Variants in ADHFE1 observed in about 807,000 individuals in gnomAD.
ADHFE1 encodes the protein alcohol dehydrogenase iron containing 1.
A neutral mutation model predicts 54.8 loss-of-function variants in ADHFE1; 37 were observed. The observed-to-expected ratio is 0.68, with a 90% CI of 0.52 to 0.89. ADHFE1 has a LOEUF of 0.89. Among genes scored for constraint, ADHFE1 ranks in the 40% least tolerant of loss-of-function variants. The pLI is 0.00. For synonymous variants in ADHFE1, 203 were observed against 229.3 expected (o/e 0.89, Z 1.04); for missense variants, 601 against 591.2 (o/e 1.02, Z -0.17).
chr8:66,455,454 G>T (rs1195039369), intron 10 of ADHFE1, among the ~76,000 whole-genome samples: 1 of 152,226 alleles, frequency 6.6e-6, no homozygotes, highest in African/African-American at 2.4e-5. Context: ...TTAAGAATAG[G>T]CCTTTGCTAG....
At chr8:66,438,562 A>G (rs569129927) in intron 1 of ADHFE1, among the ~76,000 whole-genome samples, 8 of 152,332 alleles carry the variant, frequency 5.3e-5, no homozygotes, top group African/African-American at 1.7e-4. Flanking sequence ...GGACACAGCC[A>G]GACAGCTGGA....
rs753845705 is a variant in ADHFE1, at chr8:66,444,347, A to G, written c.145-20A>G. On this transcript the variant is annotated intron_variant, in intron 3 of 13. Coordinates refer to ENST00000396623, the MANE Select transcript of ADHFE1 (RefSeq NM_144650.3). Reference sequence around the variant, plus strand: ...AACTCTCAAATACTCCCTACACCTAAACCTTTTTATTTTTTTCAGATGGCT... The same window carrying G: ...AACTCTCAAATACTCCCTACACCTAGACCTTTTTATTTTTTTCAGATGGCT... 1.9e-6 allele frequency: 3 copies of G among 1,613,524 alleles called. No homozygotes were observed. Among genetic ancestry groups the G allele is most frequent in the Non-Finnish European group, 8.5e-7 (1 of 1,179,494 alleles).
chr8:66,453,604 A>T lies in ADHFE1; in HGVS notation c.888-455A>T, dbSNP rs911780047. The T allele has an allele frequency of 9.7e-6, 9 of 927,122 alleles. No homozygotes were observed. In the Admixed American group the frequency reaches 1.9e-4, roughly 20 times the overall value. The allele number at this position is 927,122 out of a possible 1,614,324, so 57.4% of individuals were successfully genotyped here. A position where few individuals can be genotyped will look rare whatever the true frequency, so the allele number is the denominator to read the frequency against. ...GCATAGAGGTGCAGCAACCACAGAT[A>T]TAAAGAGGCCCCCAGTGGGTCCAGT... On this transcript the variant is annotated intron_variant, in intron 9 of 13. Coordinates refer to ENST00000396623, the MANE Select transcript of ADHFE1 (RefSeq NM_144650.3).
At chr8:66,446,383 A>G (rs1006150306) in intron 6 of ADHFE1, among the ~76,000 whole-genome samples, 1 of 152,228 alleles carries the variant, frequency 6.6e-6, no homozygotes, top group African/African-American at 2.4e-5. Context: ...TAGAGACAGC[A>G]AATATGAGTT....
intron 12 of ADHFE1, among the ~76,000 whole-genome samples, chr8:66,457,596 G>A (rs1806656583): frequency 6.6e-6 from 1 of 152,054 alleles, no homozygotes; most frequent in Non-Finnish European, 1.5e-5. Flanking sequence ...AGGCTGAGGT[G>A]GGAGGATAGC....
At chr8:66,461,262 C>A (rs944103724) in intron 13 of ADHFE1, among the ~76,000 whole-genome samples, 2 of 152,104 alleles carry the variant, frequency 1.3e-5, no homozygotes, top group African/African-American at 4.8e-5. Flanking sequence ...GTCCTCTTGG[C>A]CAATATGGGA....
At chr8:66,451,841 T>C in intron 8 of ADHFE1, 112 bp from the exon 9 acceptor site, 1 of 1,249,324 alleles carries the variant, frequency 8.0e-7, no homozygotes, top group Non-Finnish European at 1.1e-6. Context: ...TGTTAGATAA[T>C]ATATCCACTG....
intron 7 of ADHFE1, among the ~76,000 whole-genome samples, chr8:66,448,634 G>A (rs562909080): frequency 1.1e-4 from 17 of 152,302 alleles, no homozygotes; most frequent in Non-Finnish European, 2.4e-4. Context: ...GTAGGAAAGA[G>A]ATGCATACAC....
Position 66,449,030 on chromosome 8 carries a change from G to A in ADHFE1, c.734+60G>A, listed in dbSNP as rs1266549002. 3 of 1,422,172 alleles carry A rather than the reference G, an allele frequency of 2.1e-6. No individual in the cohort carries two copies. The South Asian group carries it at 3.5e-5, about 17-fold the overall frequency. 88.1% of individuals were successfully genotyped at this position (1,422,172 alleles called of 1,614,324 possible). A position where few individuals can be genotyped will look rare whatever the true frequency, so the allele number is the denominator to read the frequency against. On this transcript the variant is annotated intron_variant, in intron 8 of 13. Transcript: ENST00000396623. The stretch of plus-strand genomic sequence containing the variant: ...GTACTGGGTCTATGGATAGTATTTT[G>A]TTGCTCAACGCACATGCTAAGTATT...
chr8:66,442,670 C>A (rs1805819779), intron 2 of ADHFE1, 128 bp from the exon 3 acceptor site: 1 of 821,984 alleles, frequency 1.2e-6, no homozygotes, highest in Non-Finnish European at 1.9e-6. Flanking sequence ...AACAGTGAAA[C>A]CTGGAAAAAA....
At chr8:66,452,404 A>G (rs1377083230) in intron 9 of ADHFE1, among the ~76,000 whole-genome samples, 1 of 152,254 alleles carries the variant, frequency 6.6e-6, no homozygotes, top group Non-Finnish European at 1.5e-5. Context: ...AATGAGACCC[A>G]CACTGGCAGA....
In ADHFE1 at chr8:66,441,194, G is replaced by A. The variant is rs35781817; in HGVS notation, c.97+995G>A. Among the ~76,000 whole-genome samples the A allele has an allele frequency of 4.8e-3, 734 of 152,252 alleles. 1 individual carries two copies. The highest frequency in any genetic ancestry group is 0.02 in the Middle Eastern group (6 of 294). ...GAAAGATATTCTCATTGTTTTCCAG[G>A]ATCATATTTATGTCTTTAAAATTTA... is the stretch of plus-strand genomic sequence containing the variant. On this transcript the variant is annotated intron_variant, in intron 2 of 13. Transcript: ENST00000396623.
Position 66,432,532 on chromosome 8 carries a change from C to T in ADHFE1, c.16C>T (p.Arg6Ter), listed in dbSNP as rs200439070. 3.4e-4 allele frequency: 460 copies of T among 1,359,470 alleles called. No homozygotes were observed. The highest frequency in any genetic ancestry group is 1.8e-3 in the Middle Eastern group (8 of 4,444). 84.2% of individuals were successfully genotyped at this position (1,359,470 alleles called of 1,614,324 possible). Residue 6 changes from arginine to a stop codon, truncating the protein, a stop_gained, in exon 1 of 14, where the codon CGA becomes TGA. Transcript: ENST00000396623. LOFTEE classifies it high-confidence loss of function. MAAAA[R>*]ARVAYLLRQL... Reference sequence around the variant, plus strand: ...TCCAAGCGCCATGGCCGCTGCCGCCCGAGCCCGGGTCGCGTACTTGCTGAG... The same window carrying T: ...TCCAAGCGCCATGGCCGCTGCCGCCTGAGCCCGGGTCGCGTACTTGCTGAG...
At chr8:66,448,390 AATG>A (rs1480292895) in intron 7 of ADHFE1, among the ~76,000 whole-genome samples, 2 of 152,258 alleles carry the variant, frequency 1.3e-5, no homozygotes, top group Admixed American at 1.3e-4. Flanking sequence ...ACAACAGCTC[AATG>A]AGAGCTGGAG....
At chr8:66,453,557 A>G (rs1806413754) in intron 9 of ADHFE1, among the ~76,000 whole-genome samples, 1 of 152,204 alleles carries the variant, frequency 6.6e-6, no homozygotes, top group African/African-American at 2.4e-5. Context: ...CGACAATAAC[A>G]TCCACTTCCT....
Position 66,453,658 on chromosome 8 carries a change from G to A in ADHFE1, c.888-401G>A, listed in dbSNP as rs369260450. 6.0e-5 allele frequency: 81 copies of A among 1,354,422 alleles called. No homozygotes were observed. The East Asian group carries it at 6.8e-4, about 11-fold the overall frequency. 83.9% of individuals were successfully genotyped at this position (1,354,422 alleles called of 1,614,324 possible). ...AGGCAGTGTCTCAGAGAGAAAGAGC[G>A]CTGGCCGGCAGGTAGCCCCGGGCAT... is the stretch of plus-strand genomic sequence containing the variant. On this transcript the variant is annotated intron_variant, in intron 9 of 13. Coordinates refer to ENST00000396623, the MANE Select transcript of ADHFE1 (RefSeq NM_144650.3).
chr8:66,465,167 T>C (rs1283274466), intron 13 of ADHFE1, among the ~76,000 whole-genome samples: 5 of 152,236 alleles, frequency 3.3e-5, no homozygotes, highest in Non-Finnish European at 7.3e-5. Flanking sequence ...TGAATAATGC[T>C]GCGATGAATA....
intron 6 of ADHFE1, among the ~76,000 whole-genome samples, chr8:66,446,823 A>G (rs1806059515): frequency 6.6e-6 from 1 of 152,238 alleles, no homozygotes; most frequent in Non-Finnish European, 1.5e-5. Flanking sequence ...TTAAATATAC[A>G]TACATATTAA....
At position 66,439,808 on chromosome 8, in the gene ADHFE1, T is replaced by A. The variant is rs942321182; in HGVS notation, c.60-354T>A. ...AACCTTGGGCCGATTTGGTCAACGCTCCTAACCCAGTAAGAGCTGGGGCTT... is the reference window on the plus strand; with the variant it reads ...AACCTTGGGCCGATTTGGTCAACGCACCTAACCCAGTAAGAGCTGGGGCTT... On this transcript the variant is annotated intron_variant, in intron 1 of 13. Transcript: ENST00000396623. This position sits in a 1 kb window ranked among gnomAD's most constrained non-coding sequence, Gnocchi z 4.4. The A allele has an allele frequency of 1.9e-5, 21 of 1,104,508 alleles. No individual in the cohort carries two copies. Among genetic ancestry groups the A allele is most frequent in the Non-Finnish European group, 2.2e-5 (20 of 902,630 alleles). 68.4% of individuals were successfully genotyped at this position (1,104,508 alleles called of 1,614,324 possible).
Sources: gnomAD v4.1 joint callset for allele counts (sites outside exome capture counted in the v4.1 genomes callset) on GRCh38, gnomAD v4.1.1 for gene constraint, Gnocchi (gnomAD v3.1) non-coding constraint, MANE v1.5 for transcripts, NCBI Gene and HGNC (gene_info 2026-07-23, HGNC 2026-07-21) for gene names.